Variants in CTIF observed in about 807,000 individuals in gnomAD.
CTIF encodes the protein CBP80/20-dependent translation initiation factor.
A neutral mutation model predicts 66.0 loss-of-function variants in CTIF; 21 were observed. The observed-to-expected ratio is 0.32, with a 90% confidence interval of 0.23 to 0.46. The LOEUF (loss-of-function observed/expected upper bound fraction) is 0.46. Ranked by LOEUF, CTIF falls within the 20% of genes least tolerant of loss-of-function variation. The pLI is 1.00. For missense variants in CTIF, 739 were observed against 812.7 expected, an observed-to-expected ratio of 0.91 and a Z score of 1.10; for synonymous variants, 345 against 326.4, an observed-to-expected ratio of 1.06 and a Z score of -0.62.
At chr18:48,616,391 T>C (rs2090400947) in intron 1 of CTIF, among the ~76,000 whole-genome samples, 1 of 152,192 alleles carries the variant, frequency 6.6e-6, no homozygotes, top group African/African-American at 2.4e-5. Flanking sequence ...AATAAGCACA[T>C]GCTCAGCACT....
intron 1 of CTIF, among the ~76,000 whole-genome samples, chr18:48,575,723 C>T (rs1289694636): frequency 1.3e-5 from 2 of 152,246 alleles, no homozygotes; most frequent in Admixed American, 6.5e-5. Flanking sequence ...AGCCTCCCTG[C>T]CCCGGATGCC....
chr18:48,846,497 AGATGGATGGATGGATG>A (rs1555705172), intron 10 of CTIF, among the ~76,000 whole-genome samples: 5 of 136,792 alleles, frequency 3.7e-5, no homozygotes, highest in Admixed American at 2.1e-4. Context: ...ATGAAAGGAT[AGATGGATGGATGGATG>A]GATGGATGGA....
At chr18:48,773,030 G>T (rs1336475261) in intron 9 of CTIF, among the ~76,000 whole-genome samples, 1 of 152,230 alleles carries the variant, frequency 6.6e-6, no homozygotes, top group Non-Finnish European at 1.5e-5. Flanking sequence ...AGAGCTGGAG[G>T]AAGTCTATAA....
intron 3 of CTIF, among the ~76,000 whole-genome samples, chr18:48,658,815 C>T (rs1321470617): frequency 6.6e-6 from 1 of 152,158 alleles, no homozygotes; most frequent in African/African-American, 2.4e-5. Context: ...TCCAGAGCCA[C>T]GTGGCAGGGC....
chr18:48,709,223 A>C (rs1422403996), intron 6 of CTIF, among the ~76,000 whole-genome samples: 1 of 152,214 alleles, frequency 6.6e-6, no homozygotes, highest in Non-Finnish European at 1.5e-5. Context: ...TCACAGTCTA[A>C]CTCTAGAGCA....
intron 10 of CTIF, among the ~76,000 whole-genome samples, chr18:48,851,077 T>C (rs1043622549): frequency 5.9e-5 from 9 of 152,206 alleles, no homozygotes; most frequent in African/African-American, 2.2e-4. Flanking sequence ...CAGAGAAAGA[T>C]AAGGTTGGAA....
intron 9 of CTIF, among the ~76,000 whole-genome samples, chr18:48,790,757 G>T (rs2067774713): frequency 6.6e-6 from 1 of 152,184 alleles, no homozygotes; most frequent in South Asian, 2.1e-4. Context: ...TTCAGACCCC[G>T]CCCGGCTGGA....
chr18:48,559,696 C>G (rs2089108043), intron 1 of CTIF, among the ~76,000 whole-genome samples: 1 of 152,172 alleles, frequency 6.6e-6, no homozygotes, highest in African/African-American at 2.4e-5. Context: ...CTTCTCCATG[C>G]AGGTTTCTCC....
At chr18:48,729,133 G>A (rs1254558105) in intron 7 of CTIF, among the ~76,000 whole-genome samples, 1 of 152,172 alleles carries the variant, frequency 6.6e-6, no homozygotes, top group Non-Finnish European at 1.5e-5. Flanking sequence ...TGGGGCATCA[G>A]TGAAGACGCT....
intron 1 of CTIF, among the ~76,000 whole-genome samples, chr18:48,603,279 G>C (rs2090133249): frequency 6.8e-6 from 1 of 147,454 alleles, no homozygotes; most frequent in Non-Finnish European, 1.5e-5. Flanking sequence ...GCAGGTGGGT[G>C]GACCGATGGG....
rs532163004 is a variant in CTIF, at chr18:48,842,318, C to T, written c.1528-15270C>T. ...TGAAAAACCAGGCCTCGCTCAGCCC[C>T]GCTCTTGGCTGCCTTGAAGCCTGTG... On this transcript the variant is annotated intron_variant, in intron 10 of 11. Coordinates refer to ENST00000256413, the MANE Select transcript of CTIF (RefSeq NM_014772.3). Among the ~76,000 whole-genome samples the T allele has an allele frequency of 3.0e-3, 460 of 152,238 alleles. 3 individuals are homozygous for T. Among genetic ancestry groups the T allele is most frequent in the Non-Finnish European group, 4.6e-3 (312 of 68,012 alleles).
intron 7 of CTIF, among the ~76,000 whole-genome samples, chr18:48,718,433 G>A (rs2092301608): frequency 6.6e-6 from 1 of 152,166 alleles, no homozygotes; most frequent in African/African-American, 2.4e-5. Flanking sequence ...AGAGAACCAG[G>A]AAAGCCAGTG....
chr18:48,590,698 C>T (rs939530636), intron 1 of CTIF, among the ~76,000 whole-genome samples: 8 of 152,190 alleles, frequency 5.3e-5, no homozygotes, highest in Non-Finnish European at 1.0e-4. Flanking sequence ...AAGAGGATGG[C>T]CACACCCTCG....
chr18:48,806,431 G>A (rs1269085629), intron 9 of CTIF, among the ~76,000 whole-genome samples: 2 of 152,270 alleles, frequency 1.3e-5, no homozygotes, highest in Admixed American at 6.5e-5. Flanking sequence ...GATGGCAACA[G>A]CAGCCACCTC....
intron 1 of CTIF, among the ~76,000 whole-genome samples, chr18:48,545,806 C>A (rs1283049629): frequency 2.6e-5 from 4 of 152,136 alleles, no homozygotes; most frequent in Admixed American, 2.6e-4. Flanking sequence ...CTGAGCGTAA[C>A]CACGGTGAGG....
At chr18:48,542,342 A>C (rs1236820952) in intron 1 of CTIF, among the ~76,000 whole-genome samples, 1 of 152,222 alleles carries the variant, frequency 6.6e-6, no homozygotes, top group East Asian at 1.9e-4. Flanking sequence ...TCTTTATTGA[A>C]TTCAAGGAGC....
chr18:48,809,586 T>C (rs1039373152), intron 9 of CTIF, among the ~76,000 whole-genome samples: 5 of 152,148 alleles, frequency 3.3e-5, no homozygotes, highest in African/African-American at 1.2e-4. Flanking sequence ...GGAAAGCGTC[T>C]CTTTTTCTAT....
chr18:48,685,398 T>G (rs1274851483), intron 6 of CTIF, among the ~76,000 whole-genome samples: 1 of 151,930 alleles, frequency 6.6e-6, no homozygotes, highest in Non-Finnish European at 1.5e-5. Context: ...AATTTTTCTA[T>G]TTTTGGTAGA....
At chr18:48,573,326 C>G (rs1376664370) in intron 1 of CTIF, among the ~76,000 whole-genome samples, 1 of 152,130 alleles carries the variant, frequency 6.6e-6, no homozygotes, top group African/African-American at 2.4e-5. Context: ...TGTTTCATGA[C>G]CTCCCCCTCC....
Sources: allele counts gnomAD v4.1 joint callset (sites outside exome capture counted in the v4.1 genomes callset), GRCh38; gene constraint gnomAD v4.1.1; transcripts MANE v1.5; gene names NCBI Gene and HGNC (gene_info 2026-07-23, HGNC 2026-07-21).